The following MED12L variants were observed in gnomAD, a reference collection of about 807,000 sequenced individuals.
The protein encoded by MED12L is mediator of RNA polymerase II transcription subunit 12-like protein.
In MED12L, 60 loss-of-function variants were observed where a neutral mutation model predicts 281.3. That is an observed-to-expected ratio of 0.21 (90% CI 0.17 to 0.26). The LOEUF is 0.26. MED12L is among the 10% of genes least tolerant of loss of function. The pLI is 1.00. For synonymous variants in MED12L, 974 were observed against 987.2 expected (o/e 0.99, Z 0.25); for missense variants, 2,146 against 2,680.9 (o/e 0.80, Z 4.41).
intron 16 of MED12L, among the ~76,000 whole-genome samples, chr3:151,233,903 C>G (rs1345127028): frequency 6.6e-6 from 1 of 152,146 alleles, no homozygotes; most frequent in African/African-American, 2.4e-5. Context: ...GATTTTAGTC[C>G]ATGTGTACAT....
chr3:151,362,627 G>A (rs1463890437), intron 21 of MED12L, among the ~76,000 whole-genome samples: 2 of 151,998 alleles, frequency 1.3e-5, no homozygotes, highest in Non-Finnish European at 2.9e-5. Flanking sequence ...TCCTTAGAAT[G>A]TATGCTTCAT....
At chr3:151,369,039 G>A (rs1460199423) in intron 25 of MED12L, among the ~76,000 whole-genome samples, 4 of 152,090 alleles carry the variant, frequency 2.6e-5, no homozygotes, top group South Asian at 2.1e-4. Context: ...GGGATTACAG[G>A]CGTGAGCCAC....
rs778095842 is a variant in MED12L, at chr3:151,367,715, T to C, written c.3397T>C (p.Ser1133Pro). The C allele has an allele frequency of 6.2e-7, 1 of 1,612,102 alleles. No individual in the cohort carries two copies. The highest frequency in any genetic ancestry group is 8.5e-7 in the Non-Finnish European group (1 of 1,178,624). Reference sequence around the variant, plus strand: ...TATTCTGATAGCACGACAGTGTTTTTCCCTGGAGGACGTCGTGCAGCATGT... The same window carrying C: ...TATTCTGATAGCACGACAGTGTTTTCCCCTGGAGGACGTCGTGCAGCATGT... ...IAILIARQCF[S>P]LEDVVQHVAL... The change falls in exon 24 of 45, where the codon TCC becomes CCC. Residue 1133 changes from serine (S) to proline (P), a missense_variant. By Grantham distance (74) the Ser-to-Pro change is moderately conservative. Transcript: ENST00000687756.
At chr3:151,237,925 T>C (rs1733250348) in intron 16 of MED12L, among the ~76,000 whole-genome samples, 1 of 152,216 alleles carries the variant, frequency 6.6e-6, no homozygotes, top group Non-Finnish European at 1.5e-5. Context: ...ATTTGTAGAC[T>C]TCTTTGAATA....
Position 151,185,803 on chromosome 3 carries a change from C to G in MED12L, c.1626+342C>G, listed in dbSNP as rs889844293. Among the ~76,000 whole-genome samples the G allele has an allele frequency of 9.9e-5, 15 of 152,176 alleles. No individual in the cohort carries two copies. In the South Asian group the frequency reaches 3.1e-3, roughly 32 times the overall value. Reference sequence around the variant, plus strand: ...CTGCAGTGAGCTTATGATGGTGCCACTGTACTCTAGCCTGGTTGATAGAGT... The same window carrying G: ...CTGCAGTGAGCTTATGATGGTGCCAGTGTACTCTAGCCTGGTTGATAGAGT... On this transcript the variant is annotated intron_variant, in intron 12 of 44. Coordinates refer to ENST00000687756, the MANE Select transcript of MED12L (RefSeq NM_001393769.1).
In MED12L at chr3:151,218,441, G is replaced by A. The variant is rs138446560; in HGVS notation, c.2250+24775G>A. Among the ~76,000 whole-genome samples the A allele has an allele frequency of 1.7e-3, 261 of 152,144 alleles. 1 individual carries two copies. Among genetic ancestry groups the A allele is most frequent in the African/African-American group, 5.7e-3 (238 of 41,490 alleles). On this transcript the variant is annotated intron_variant, in intron 16 of 44. Transcript: ENST00000687756. Reference sequence around the variant, plus strand: ...GCCCTGCTCATTGATAGTTACTTCTGGTATTATCACTGAATTTCTGCTGTG... The same window carrying A: ...GCCCTGCTCATTGATAGTTACTTCTAGTATTATCACTGAATTTCTGCTGTG...
chr3:151,346,460 T>G (rs1418825096), intron 16 of MED12L, among the ~76,000 whole-genome samples: 3 of 152,274 alleles, frequency 2.0e-5, no homozygotes, highest in East Asian at 1.9e-4. Context: ...ACCTCTTACT[T>G]TAACCGCTTG....
chr3:151,416,206 T>C, intron 42 of MED12L, 106 bp from the exon 43 acceptor site: 1 of 1,591,742 alleles, frequency 6.3e-7, no homozygotes, highest in Non-Finnish European at 8.6e-7. Flanking sequence ...ATATATTGTT[T>C]TTACTACAAC....
intron 16 of MED12L, chr3:151,329,513 T>A: frequency 6.5e-7 from 1 of 1,548,542 alleles, no homozygotes; most frequent in Non-Finnish European, 8.7e-7. Flanking sequence ...CTCTGTCTTC[T>A]TATGGCGGCA....
chr3:151,198,328 C>T (rs1465525237), intron 16 of MED12L: 3 of 943,266 alleles, frequency 3.2e-6, no homozygotes, highest in Non-Finnish European at 4.5e-6. Flanking sequence ...TTTTTTCATA[C>T]TGAGTTTTTT....
In MED12L at chr3:151,293,576, T is replaced by TACACACACACACACACACACAC. The variant is rs55846173; in HGVS notation, c.2251-56462_2251-56441dup. ...ACAGAGGGTCCTAAAATGAAGCCCTTACACACACACACACACACACACACA... is the reference window on the plus strand; with the variant it reads ...ACAGAGGGTCCTAAAATGAAGCCCTTACACACACACACACACACACACACACACACACACACACACACACACA... On this transcript the variant is annotated intron_variant, in intron 16 of 44. Transcript: ENST00000687756. 2.0e-4 allele frequency among the ~76,000 whole-genome samples: 15 copies of TACACACACACACACACACACAC among 76,226 alleles called. 1 individual carries two copies. Among genetic ancestry groups the TACACACACACACACACACACAC allele is most frequent in the African/African-American group, 8.5e-4 (14 of 16,382 alleles). The allele number at this position is 76,226 out of a possible 152,430, so 50.0% of individuals were successfully genotyped here. A position where few individuals can be genotyped will look rare whatever the true frequency, so the allele number is the denominator to read the frequency against.
At chr3:151,096,721 T>C (rs1349251960) in intron 2 of MED12L, among the ~76,000 whole-genome samples, 1 of 152,194 alleles carries the variant, frequency 6.6e-6, no homozygotes. Context: ...TCTAACCATC[T>C]CATTCAATAC....
chr3:151,274,436 T>G (rs1741513791), intron 16 of MED12L, among the ~76,000 whole-genome samples: 1 of 152,202 alleles, frequency 6.6e-6, no homozygotes. Context: ...TAGGCATATT[T>G]ATAGTGGGGA....
intron 16 of MED12L, among the ~76,000 whole-genome samples, chr3:151,209,898 AAAAG>A (rs1272837755): frequency 7.9e-5 from 12 of 152,188 alleles, no homozygotes; most frequent in Admixed American, 4.6e-4. Flanking sequence ...TGTAGTTGCC[AAAAG>A]AAAGAAAGAG....
At chr3:151,280,106 G>A (rs1354031334) in intron 16 of MED12L, among the ~76,000 whole-genome samples, 1 of 152,212 alleles carries the variant, frequency 6.6e-6, no homozygotes, top group African/African-American at 2.4e-5. Context: ...GAGTTGCAAA[G>A]TCCAAGGCCA....
chr3:151,319,700 A>T (rs1176648356), intron 16 of MED12L, among the ~76,000 whole-genome samples: 4 of 152,154 alleles, frequency 2.6e-5, no homozygotes, highest in Non-Finnish European at 2.9e-5. Flanking sequence ...TTTACTGACG[A>T]CAGTAAAATG....
intron 20 of MED12L, among the ~76,000 whole-genome samples, chr3:151,358,362 A>T (rs1224401248): frequency 1.3e-5 from 2 of 152,148 alleles, no homozygotes; most frequent in African/African-American, 4.8e-5. Context: ...TTTACAGCCC[A>T]GGAAATTGAG....
intron 16 of MED12L, among the ~76,000 whole-genome samples, chr3:151,239,297 A>G (rs1733594875): frequency 6.6e-6 from 1 of 152,276 alleles, no homozygotes; most frequent in South Asian, 2.1e-4. Context: ...ACATGGTTTT[A>G]GATCCAATAT....
At chr3:151,195,156 C>G (rs946247559) in intron 16 of MED12L, among the ~76,000 whole-genome samples, 2 of 152,130 alleles carry the variant, frequency 1.3e-5, no homozygotes, top group African/African-American at 4.8e-5. Flanking sequence ...GAGGGAGACT[C>G]TGTCTCAAAA....
Sources: gnomAD v4.1 joint callset for allele counts (sites outside exome capture counted in the v4.1 genomes callset) on GRCh38, gnomAD v4.1.1 for gene constraint, MANE v1.5 for transcripts, NCBI Gene and HGNC (gene_info 2026-07-23, HGNC 2026-07-21) for gene names.